The following CACNA1C variants were observed in gnomAD, a reference collection of about 807,000 sequenced individuals.
The protein encoded by CACNA1C is voltage-dependent L-type calcium channel subunit alpha-1C.
In CACNA1C, 30 loss-of-function variants were observed where a neutral mutation model predicts 229.0. The observed-to-expected ratio is 0.13, with a 90% CI of 0.10 to 0.18. The LOEUF is 0.18. Among genes scored for constraint, CACNA1C ranks in the 10% least tolerant of loss-of-function variants. The pLI is 1.00. For synonymous variants in CACNA1C, 1,114 were observed against 1,132.5 expected, an observed-to-expected ratio of 0.98 and a Z score of 0.33; for missense variants, 1,658 against 2,845.0, an observed-to-expected ratio of 0.58 and a Z score of 9.49.
intron 1 of CACNA1C, among the ~76,000 whole-genome samples, chr12:2,077,005 C>A (rs982307026): frequency 1.4e-4 from 22 of 152,370 alleles, no homozygotes; most frequent in African/African-American, 5.0e-4. Context: ...GGCTCACTAG[C>A]TGTGGCTTCA....
intron 1 of CACNA1C, among the ~76,000 whole-genome samples, chr12:2,061,236 A>G (rs2057380337): frequency 6.6e-6 from 1 of 152,084 alleles, no homozygotes; most frequent in African/African-American, 2.4e-5. Context: ...ATCGCTGTTC[A>G]AACATCAGCT....
chr12:2,264,336 A>C (rs1258489637), intron 3 of CACNA1C, among the ~76,000 whole-genome samples: 1 of 152,206 alleles, frequency 6.6e-6, no homozygotes, highest in Non-Finnish European at 1.5e-5. Context: ...AGATAACCAC[A>C]GTAATCCAGG....
chr12:2,340,238 C>T (rs11062195), intron 3 of CACNA1C, among the ~76,000 whole-genome samples: 15,700 of 152,140 alleles, frequency 0.1, 892 homozygotes, highest in South Asian at 0.14. Context: ...TATATATACC[C>T]CTTTTTGCAG....
intron 7 of CACNA1C, among the ~76,000 whole-genome samples, chr12:2,499,822 G>C (rs776849894): frequency 6.6e-5 from 10 of 151,462 alleles, no homozygotes; most frequent in Admixed American, 2.6e-4. Flanking sequence ...TTTTAAATCT[G>C]ACTTTATTCT....
At position 2,654,146 on chromosome 12, in the gene CACNA1C, C is replaced by T. The variant is rs546005206; in HGVS notation, c.4140+246C>T. Among the ~76,000 whole-genome samples the T allele has an allele frequency of 1.3e-5, 2 of 152,276 alleles. No homozygotes were observed. The highest frequency in any genetic ancestry group is 2.4e-5 in the African/African-American group (1 of 41,546). ...ACACAGCCCAGAGAGCCTCCCTCCC[C>T]GAGGCCTGGGTTCTGCTCTTGGTAG... is the stretch of plus-strand genomic sequence containing the variant. On this transcript the variant is annotated intron_variant, in intron 33 of 46. Transcript: ENST00000399655. This position sits in a 1 kb window ranked among gnomAD's most constrained non-coding sequence, Gnocchi z 4.4.
chr12:2,115,805 T>G (rs1251833972), intron 2 of CACNA1C, among the ~76,000 whole-genome samples: 2 of 152,262 alleles, frequency 1.3e-5, no homozygotes, highest in Admixed American at 6.5e-5. Context: ...TTTTGTTTTT[T>G]GTTTTTTTCA....
intron 3 of CACNA1C, among the ~76,000 whole-genome samples, chr12:2,364,648 G>A (rs1347486630): frequency 6.6e-6 from 1 of 152,220 alleles, no homozygotes; most frequent in Non-Finnish European, 1.5e-5. Context: ...CTCTCAAGAA[G>A]TGGGAGCAGC....
chr12:2,395,259 C>G (rs1418878903), intron 3 of CACNA1C, among the ~76,000 whole-genome samples: 15 of 147,052 alleles, frequency 1.0e-4, no homozygotes, highest in Admixed American at 9.7e-4. Context: ...TGCTTTGTTG[C>G]CCAGGCTGAA....
Position 2,639,093 on chromosome 12 carries a change from C to G in CACNA1C, c.3912+4713C>G, listed in dbSNP as rs1461279247. Among the ~76,000 whole-genome samples, 2 of 152,220 alleles carry G rather than the reference C, an allele frequency of 1.3e-5. No homozygotes were observed. The highest frequency in any genetic ancestry group is 2.9e-5 in the Non-Finnish European group (2 of 68,044). ...CAACTGCCAGGTGTCACAAGAGGAC[C>G]GTCTTCAGGCCCCCTCGTGCGGTCA... On this transcript the variant is annotated intron_variant, in intron 30 of 46. Transcript: ENST00000399655. The surrounding 1 kb of genome is among the most constrained non-coding windows in gnomAD (Gnocchi z 4.2).
rs751239874 is a variant in CACNA1C at position 2,585,507 on chromosome 12, G to A, written c.2460+11G>A. ...CCACCCGCCACCAAGGTGAGGAGCT[G>A]TCTCCTTCCTGGAGCTGTGAGGCCG... On this transcript the variant is annotated intron_variant, in intron 17 of 46. Coordinates refer to ENST00000399655, the MANE Select transcript of CACNA1C (RefSeq NM_000719.7). The surrounding 1 kb of genome is among the most constrained non-coding windows in gnomAD (Gnocchi z 4.1). The A allele has an allele frequency of 2.6e-6, 4 of 1,549,122 alleles. No individual in the cohort carries two copies. In the South Asian group the frequency reaches 4.9e-5, roughly 19 times the overall value.
At chr12:1,989,408 G>A (rs1166372115) in intron 1 of CACNA1C, among the ~76,000 whole-genome samples, 2 of 151,958 alleles carry the variant, frequency 1.3e-5, no homozygotes, top group South Asian at 2.1e-4. Flanking sequence ...GGAAAGAAAA[G>A]GGAAAGGGAA....
intron 1 of CACNA1C, among the ~76,000 whole-genome samples, chr12:1,994,467 T>C (rs1294326078): frequency 6.6e-6 from 1 of 152,254 alleles, no homozygotes; most frequent in East Asian, 1.9e-4. Context: ...AATCCTTGCC[T>C]AGCTTATTTT....
chr12:2,448,262 G>A (rs1033887743), intron 3 of CACNA1C, among the ~76,000 whole-genome samples: 2 of 152,214 alleles, frequency 1.3e-5, no homozygotes, highest in African/African-American at 2.4e-5. Flanking sequence ...TGAGGAAAGA[G>A]AGGGGCTCTT....
intron 20 of CACNA1C, 22 bp downstream of exon 20, chr12:2,596,025 T>C: frequency 1.2e-6 from 2 of 1,601,632 alleles, no homozygotes; most frequent in Non-Finnish European, 1.7e-6. Context: ...CTGTGTCTTC[T>C]GCACTCCTTC....
In CACNA1C at chr12:2,633,784, C is replaced by T; in HGVS notation, c.3829-513C>T. ...CTCTGCCTCGTCTATTTCTCTCTCT[C>T]TCACTCTCTCTGTTTACCTTCTTTT... On this transcript the variant is annotated intron_variant, in intron 29 of 46. Coordinates refer to ENST00000399655, the MANE Select transcript of CACNA1C (RefSeq NM_000719.7). This position sits in a 1 kb window ranked among gnomAD's most constrained non-coding sequence, Gnocchi z 5.8. 1 of 825,320 alleles carries T rather than the reference C, an allele frequency of 1.2e-6. No individual in the cohort carries two copies. Among genetic ancestry groups the T allele is most frequent in the Non-Finnish European group, 2.1e-6 (1 of 483,284 alleles). 51.1% of individuals were successfully genotyped at this position (825,320 alleles called of 1,614,324 possible).
At chr12:2,217,220 C>G (rs2060209379) in intron 3 of CACNA1C, among the ~76,000 whole-genome samples, 1 of 152,120 alleles carries the variant, frequency 6.6e-6, no homozygotes, top group East Asian at 1.9e-4. Context: ...TTTATAGAGA[C>G]AGAAGTAGAA....
intron 1 of CACNA1C, among the ~76,000 whole-genome samples, chr12:2,084,274 G>C (rs2066730618): frequency 6.6e-6 from 1 of 152,128 alleles, no homozygotes; most frequent in African/African-American, 2.4e-5. Flanking sequence ...TCCAGGGAAG[G>C]GGACCTCACT....
intron 9 of CACNA1C, among the ~76,000 whole-genome samples, chr12:2,514,038 G>A (rs914968468): frequency 1.3e-5 from 2 of 152,170 alleles, no homozygotes; most frequent in Admixed American, 1.3e-4. Context: ...CTCTCAAGCA[G>A]CCTTACTTAA....
intron 5 of CACNA1C, 39 bp downstream of exon 5, chr12:2,457,745 C>T (rs1036466392): frequency 1.3e-6 from 2 of 1,483,190 alleles, no homozygotes; most frequent in African/African-American, 2.8e-5. Context: ...GTTATCTCCT[C>T]ACCACCTTCT....
Sources: gnomAD v4.1 joint callset for allele counts (sites outside exome capture counted in the v4.1 genomes callset) on GRCh38, gnomAD v4.1.1 for gene constraint, Gnocchi (gnomAD v3.1) non-coding constraint, MANE v1.5 for transcripts, NCBI Gene and HGNC (gene_info 2026-07-23, HGNC 2026-07-21) for gene names.